Variants in CPA6 observed in about 807,000 individuals in gnomAD.
The protein encoded by CPA6 is carboxypeptidase B.
In CPA6, 58 loss-of-function variants were observed where a neutral mutation model predicts 63.3. That is an observed-to-expected ratio of 0.92 (90% confidence interval 0.74 to 1.14). The LOEUF (loss-of-function observed/expected upper bound fraction) is 1.14. CPA6 is among the 50% of genes most tolerant of loss of function. The pLI, the probability that CPA6 is intolerant of heterozygous loss-of-function variation, is 0.00. For missense variants in CPA6, 565 were observed against 526.6 expected (o/e 1.07, Z -0.71); for synonymous variants, 185 against 179.0 (o/e 1.03, Z -0.27).
At chr8:67,557,069 G>A (rs55653766) in intron 2 of CPA6, among the ~76,000 whole-genome samples, 15,793 of 152,128 alleles carry the variant, frequency 0.1, 909 homozygotes, top group Middle Eastern at 0.2. Flanking sequence ...CTCTAACTTT[G>A]TACCTCTTTG....
At chr8:67,518,786 C>T (rs1332129586) in intron 2 of CPA6, among the ~76,000 whole-genome samples, 1 of 152,124 alleles carries the variant, frequency 6.6e-6, no homozygotes, top group African/African-American at 2.4e-5. Context: ...GCTGGGATTA[C>T]ATACGTGAGC....
At chr8:67,693,534 G>T (rs544546703) in intron 1 of CPA6, among the ~76,000 whole-genome samples, 2 of 152,324 alleles carry the variant, frequency 1.3e-5, no homozygotes, top group East Asian at 3.9e-4. Context: ...ACTCCCATGT[G>T]ATGGTATTAG....
At chr8:67,507,164 T>C (rs1811947499) in intron 5 of CPA6, among the ~76,000 whole-genome samples, 1 of 151,980 alleles carries the variant, frequency 6.6e-6, no homozygotes. Flanking sequence ...AATTTTTTAA[T>C]TTTAATTAAT....
intron 2 of CPA6, among the ~76,000 whole-genome samples, chr8:67,607,730 C>G (rs1004252551): frequency 1.3e-5 from 2 of 152,188 alleles, no homozygotes; most frequent in African/African-American, 4.8e-5. Flanking sequence ...TGTTTCGTCA[C>G]TACATCACAC....
chr8:67,699,317 G>A (rs139670703), intron 1 of CPA6, among the ~76,000 whole-genome samples: 2,547 of 152,122 alleles, frequency 0.017, 34 homozygotes, highest in Non-Finnish European at 0.024. Flanking sequence ...TTGGAAGGCT[G>A]AGGTGGGAGG....
rs1587407664 is a variant in CPA6 at position 67,422,873 on chromosome 8, C to T, written c.1127-182G>A. 2.0e-5 allele frequency among the ~76,000 whole-genome samples: 3 copies of T among 152,156 alleles called. No individual in the cohort carries two copies. In the East Asian group the frequency reaches 5.8e-4, roughly 29 times the overall value. On this transcript the variant is annotated intron_variant, in intron 10 of 10. Coordinates refer to ENST00000297770, the MANE Select transcript of CPA6 (RefSeq NM_020361.5). ...CATCTGGTGCATGGAACTTATAAAT[C>T]ATCCCTTCAACCATCTTTAAGGATC...
intron 10 of CPA6, among the ~76,000 whole-genome samples, chr8:67,427,368 G>C (rs1809913769): frequency 6.6e-6 from 1 of 152,008 alleles, no homozygotes; most frequent in Admixed American, 6.5e-5. Context: ...TCTTGCTTTG[G>C]CCACTTCTTT....
chr8:67,745,185 C>T (rs1411068680), intron 1 of CPA6, among the ~76,000 whole-genome samples: 1 of 152,166 alleles, frequency 6.6e-6, no homozygotes, highest in Non-Finnish European at 1.5e-5. Context: ...GAGTTTACTC[C>T]TCTGTAAAAA....
chr8:67,673,954 CTGTT>C lies in CPA6; in HGVS notation c.117-49707_117-49704del, dbSNP rs200453389. ...TGAGGTAAAGGTGAATGAAGGGAGG[CTGTT>C]TGAGTTGATGACAATCATAGCTACC... On this transcript the variant is annotated intron_variant, in intron 1 of 10. Coordinates refer to ENST00000297770, the MANE Select transcript of CPA6 (RefSeq NM_020361.5). Among the ~76,000 whole-genome samples the C allele has an allele frequency of 8.9e-3, 1,347 of 152,172 alleles. 19 individuals are homozygous for C. Among genetic ancestry groups the C allele is most frequent in the African/African-American group, 0.03 (1,241 of 41,508 alleles).
At chr8:67,475,859 CT>C (rs373621161) in intron 8 of CPA6, among the ~76,000 whole-genome samples, 3 of 78,864 alleles carry the variant, frequency 3.8e-5, no homozygotes, top group East Asian at 3.4e-4. Flanking sequence ...TTCTTTCTTT[CT>C]TTCTTTCTTT....
intron 8 of CPA6, among the ~76,000 whole-genome samples, chr8:67,458,656 A>G (rs1810731718): frequency 6.6e-6 from 1 of 152,264 alleles, no homozygotes; most frequent in South Asian, 2.1e-4. Flanking sequence ...CAAAAGACAC[A>G]TCTTTTAAAG....
intron 6 of CPA6, among the ~76,000 whole-genome samples, chr8:67,486,789 A>G (rs1000529954): frequency 3.3e-5 from 5 of 152,220 alleles, no homozygotes; most frequent in African/African-American, 1.2e-4. Context: ...ATATAAAACA[A>G]AGATACACTA....
rs1326725935 is a variant in CPA6, at chr8:67,621,980, T to C, written c.192+2196A>G. Among the ~76,000 whole-genome samples, 6 of 152,210 alleles carry C rather than the reference T, an allele frequency of 3.9e-5. No homozygotes were observed. The South Asian group carries it at 8.3e-4, about 21-fold the overall frequency. Reference sequence around the variant, plus strand: ...TTTACAGTCTAGAGCTTTGATTCCATCTATGATGATTTCTGAGAGTTTATA... The same window carrying C: ...TTTACAGTCTAGAGCTTTGATTCCACCTATGATGATTTCTGAGAGTTTATA... On this transcript the variant is annotated intron_variant, in intron 2 of 10. Transcript: ENST00000297770.
chr8:67,475,860 TTTCTTTCTTTCTTTCTTTCTCCTTTC>T (rs1563967802), intron 8 of CPA6, among the ~76,000 whole-genome samples: 3 of 99,292 alleles, frequency 3.0e-5, no homozygotes, highest in African/African-American at 1.3e-4. Context: ...TCTTTCTTTC[TTTCTTTCTTTCTTTCTTTCTCCTTTC>T]TTTCTTTCTT....
At chr8:67,435,754 T>G (rs1587421883) in intron 8 of CPA6, among the ~76,000 whole-genome samples, 1 of 152,126 alleles carries the variant, frequency 6.6e-6, no homozygotes, top group South Asian at 2.1e-4. Flanking sequence ...ACCTCCCAGC[T>G]CTTATTTGCA....
At chr8:67,509,171 G>T (rs1365970696) in intron 5 of CPA6, among the ~76,000 whole-genome samples, 1 of 152,124 alleles carries the variant, frequency 6.6e-6, no homozygotes, top group Admixed American at 6.5e-5. Context: ...CCACAACTTT[G>T]GAAATTACAA....
At chr8:67,523,753 C>T (rs887776749) in intron 2 of CPA6, among the ~76,000 whole-genome samples, 6 of 152,194 alleles carry the variant, frequency 3.9e-5, no homozygotes, top group African/African-American at 1.4e-4. Flanking sequence ...AATTACACAC[C>T]TGGTTCAGGT....
At chr8:67,665,964 T>C (rs1016537717) in intron 1 of CPA6, among the ~76,000 whole-genome samples, 2 of 152,244 alleles carry the variant, frequency 1.3e-5, no homozygotes, top group African/African-American at 4.8e-5. Context: ...AAAATATACA[T>C]GTCCTCTTAG....
At chr8:67,643,025 AGAG>A (rs1815630798) in intron 1 of CPA6, among the ~76,000 whole-genome samples, 1 of 152,218 alleles carries the variant, frequency 6.6e-6, no homozygotes, top group Admixed American at 6.5e-5. Context: ...CAAGCCCTAG[AGAG>A]GAGATATTTA....
Sources: gnomAD v4.1 joint callset for allele counts (sites outside exome capture counted in the v4.1 genomes callset) on GRCh38, gnomAD v4.1.1 for gene constraint, MANE v1.5 for transcripts, NCBI Gene and HGNC (gene_info 2026-07-23, HGNC 2026-07-21) for gene names.